EME1: variants seen among roughly 807,000 people sequenced by gnomAD.
EME1 encodes the protein essential meiotic structure-specific endonuclease 1, also known as structure-specific endonuclease subunit EME1.
A neutral mutation model predicts 59.1 loss-of-function variants in EME1; 61 were observed. The ratio of observed to expected loss-of-function variants is 1.03; its 90% CI spans 0.84 to 1.28. EME1 has a LOEUF of 1.28. Ranked by LOEUF, EME1 falls within the 50% of genes most tolerant of loss-of-function variation. The probability of loss-of-function intolerance (pLI) is 0.00; values close to 1 mark genes in which losing one functional copy is unlikely to be tolerated. For synonymous variants in EME1, 230 were observed against 254.2 expected (o/e 0.90, Z 0.90); for missense variants, 635 against 682.6 (o/e 0.93, Z 0.78).
chr17:50,379,252 G>C (rs776705448), intron 6 of EME1, 28 bp downstream of exon 6: 1 of 1,613,302 alleles, frequency 6.2e-7, no homozygotes, highest in East Asian at 2.2e-5. Context: ...CCTGAATCGG[G>C]CTGGGTACTC....
Position 50,379,560 on chromosome 17 carries a change from C to T in EME1, c.1339C>T (p.Pro447Ser). ...ATTCACAAAGGCTGTGGCTGAGGCG[C>T]CCTTCAAGTGAGTAACCCCAGCAAG... The part of the protein sequence containing the change: ...CAFTKAVAEA[P>S]FKKLRDETTF... Residue 447 changes from proline to serine, a missense_variant, in exon 7 of 9, where the codon CCC (proline) becomes TCC (serine). By Grantham distance (74) the Pro-to-Ser change is moderately conservative (BLOSUM62 -1). Coordinates refer to ENST00000338165, the MANE Select transcript of EME1 (RefSeq NM_152463.4). 6.2e-7 allele frequency: 1 copy of T among 1,614,016 alleles called. No individual in the cohort carries two copies. The highest frequency in any genetic ancestry group is 8.5e-7 in the Non-Finnish European group (1 of 1,179,988).
At position 50,375,761 on chromosome 17, in the gene EME1, G is replaced by C; in HGVS notation, c.553G>C (p.Val185Leu). The change falls in exon 2 of 9, where the codon GTA (valine) becomes CTA (leucine). Residue 185 changes from valine to leucine, a missense_variant. By Grantham distance (32) the Val-to-Leu change is conservative. Coordinates refer to ENST00000338165, the MANE Select transcript of EME1 (RefSeq NM_152463.4). ...CCCTGGCCAGAGCAGCAGCTTGGCA[G>C]TAACCAAAACAAATTCTGACATCCT... Reference protein sequence around the residue: ...TCPGQSSSLAVTKTNSDILPP... With the variant: ...TCPGQSSSLALTKTNSDILPP... 1 of 1,614,168 alleles carries C rather than the reference G, an allele frequency of 6.2e-7. No individual in the cohort carries two copies. The highest frequency in any genetic ancestry group is 8.5e-7 in the Non-Finnish European group (1 of 1,180,034).
Position 50,373,805 on chromosome 17 carries a change from C to T in EME1, c.-25+528C>T, listed in dbSNP as rs528214421. Among the ~76,000 whole-genome samples the T allele has an allele frequency of 3.3e-5, 5 of 152,266 alleles. No individual in the cohort carries two copies. The South Asian group carries it at 6.2e-4, about 19-fold the overall frequency. ...ACTTGTATGTCAGTGTTCATAGCAG[C>T]ATTATTCATAACAGGCAAAAAAAGG... On this transcript the variant is annotated intron_variant, in intron 1 of 8. Coordinates refer to ENST00000338165, the MANE Select transcript of EME1 (RefSeq NM_152463.4).
rs3060668 is a variant in EME1, at chr17:50,375,617, A to AAGC, written c.410_412dup (p.Lys137_Pro138insGln). 754,747 of 1,613,500 alleles carry AAGC rather than the reference A, an allele frequency of 0.47. 184,177 individuals carry two copies. Among genetic ancestry groups the AAGC allele is most frequent in the African/African-American group, 0.69 (51,515 of 74,784 alleles). Reference sequence around the variant, plus strand: ...TGAAGGTGCATCATGTGACTGGAAAAAGCCCTTTCCAAAGATCCCTGAAGT... The same window carrying AAGC: ...TGAAGGTGCATCATGTGACTGGAAAAAGCAGCCCTTTCCAAAGATCCCTGAAGT... On this transcript the variant is annotated inframe_insertion, in exon 2 of 9. Transcript: ENST00000338165.
Position 50,379,272 on chromosome 17 carries a change from C to A in EME1, c.1230+48C>A, listed in dbSNP as rs375645154. 6 of 1,610,894 alleles carry A rather than the reference C, an allele frequency of 3.7e-6. No homozygotes were observed. The Admixed American group carries it at 1.0e-4, about 27-fold the overall frequency. ...ATCGGGCTGGGTACTCACTGGTCAC[C>A]TGAGACTTGCTATTGATAGAGAATA... On this transcript the variant is annotated intron_variant, in intron 6 of 8. Coordinates refer to ENST00000338165, the MANE Select transcript of EME1 (RefSeq NM_152463.4).
chr17:50,380,900 C>T lies in EME1; in HGVS notation c.1674C>T (p.Thr558=), dbSNP rs759720245. Residue 558 remains threonine, a synonymous_variant, in exon 9 of 9, where the codon ACC becomes ACT. Coordinates refer to ENST00000338165, the MANE Select transcript of EME1 (RefSeq NM_152463.4). ...CCAGGCGTATCTACCTTCAGATGACCACTTTACAGCCACATCTCTCTTTAG... is the reference window on the plus strand; with the variant it reads ...CCAGGCGTATCTACCTTCAGATGACTACTTTACAGCCACATCTCTCTTTAG... ...ELSRRIYLQM[T]TLQPHLSLDS... 1 of 1,614,080 alleles carries T rather than the reference C, an allele frequency of 6.2e-7. No homozygotes were observed. The highest frequency in any genetic ancestry group is 8.5e-7 in the Non-Finnish European group (1 of 1,180,042).
At position 50,375,992 on chromosome 17, in the gene EME1, ATG is replaced by A. The variant is rs770069830; in HGVS notation, c.775+13_775+14del. 11 of 1,605,646 alleles carry A rather than the reference ATG, an allele frequency of 6.9e-6. No homozygotes were observed. In the East Asian group the frequency reaches 8.9e-5, roughly 13 times the overall value. On this transcript the variant is annotated intron_variant, in intron 2 of 8. Coordinates refer to ENST00000338165, the MANE Select transcript of EME1 (RefSeq NM_152463.4). Reference sequence around the variant, plus strand: ...TGTAGTGCTGGATCCAGGTCCTCACATGTGTCTTTGTCCTGTGCTGAGTTATC... The same window carrying A: ...TGTAGTGCTGGATCCAGGTCCTCACATGTCTTTGTCCTGTGCTGAGTTATC...
intron 1 of EME1, among the ~76,000 whole-genome samples, chr17:50,373,666 G>A (rs545484015): frequency 6.6e-5 from 10 of 152,300 alleles, no homozygotes; most frequent in African/African-American, 2.4e-4. Context: ...CTCCTTCTGG[G>A]TCATACCTAC....
At chr17:50,378,947 A>AG (rs757909327) in intron 5 of EME1, 52 bp downstream of exon 5, 3 of 1,613,766 alleles carry the variant, frequency 1.9e-6, no homozygotes, top group Non-Finnish European at 2.5e-6. Flanking sequence ...TCTTGGGCCA[A>AG]GGGGGGTGAG....
chr17:50,374,316 C>T (rs545962502), intron 1 of EME1, among the ~76,000 whole-genome samples: 172 of 152,304 alleles, frequency 1.1e-3, no homozygotes, highest in South Asian at 2.3e-3. Flanking sequence ...CAGCTCACTG[C>T]AGCCTTGACC....
chr17:50,378,006 C>T (rs1410118833), intron 3 of EME1, among the ~76,000 whole-genome samples: 1 of 152,046 alleles, frequency 6.6e-6, no homozygotes, highest in African/African-American at 2.4e-5. Flanking sequence ...GATCCGCCCG[C>T]CTAGGCCTCC....
In EME1 at chr17:50,376,072, T is replaced by TA. The variant is rs771323709; in HGVS notation, c.783dup (p.Gln262ThrfsTer22). On this transcript the variant is annotated frameshift_variant, in exon 3 of 9. Transcript: ENST00000338165. LOFTEE classifies it high-confidence loss of function. Reference sequence around the variant, plus strand: ...CCTTTTCCATCTGTTGCAGTGCTCTTACAGATGGAAGGTGGGGGCCAGCTC... The same window carrying TA: ...CCTTTTCCATCTGTTGCAGTGCTCTTAACAGATGGAAGGTGGGGGCCAGCTC... The TA allele has an allele frequency of 2.5e-6, 4 of 1,613,402 alleles. No individual in the cohort carries two copies. Among genetic ancestry groups the TA allele is most frequent in the Non-Finnish European group, 3.4e-6 (4 of 1,179,728 alleles).
At chr17:50,377,534 C>A (rs868414519) in intron 3 of EME1, among the ~76,000 whole-genome samples, 1 of 152,280 alleles carries the variant, frequency 6.6e-6, no homozygotes, top group South Asian at 2.1e-4. Flanking sequence ...TTATGCCCTA[C>A]CTGTGATAAA....
rs1913820984 is a variant in EME1, at chr17:50,381,169, T to A, written c.*230T>A. ...TTAATGTTCCTCTCCTGGCAAAAAT[T>A]CACTGCCACAGACAAACCACCCCCA... On this transcript the variant is annotated 3_prime_UTR_variant, in exon 9 of 9. Transcript: ENST00000338165. 5.4e-6 allele frequency: 3 copies of A among 550,542 alleles called. No homozygotes were observed. The African/African-American group carries it at 5.7e-5, about 10-fold the overall frequency. The allele number at this position is 550,542 out of a possible 1,614,324, so 34.1% of individuals were successfully genotyped here.
chr17:50,377,270 CATCCTAT>C (rs1175424858), intron 3 of EME1, among the ~76,000 whole-genome samples: 2 of 152,124 alleles, frequency 1.3e-5, no homozygotes, highest in Admixed American at 6.5e-5. Context: ...TTCCATCAGT[CATCCTAT>C]GGGGTAGGAC....
chr17:50,376,085 T>G lies in EME1; in HGVS notation c.795T>G (p.Gly265=), dbSNP rs148513529. 71 of 1,613,734 alleles carry G rather than the reference T, an allele frequency of 4.4e-5. No individual in the cohort carries two copies. The African/African-American group carries it at 9.2e-4, about 21-fold the overall frequency. The change falls in exon 3 of 9, where the codon GGT becomes GGG. Residue 265 remains glycine (G), a synonymous_variant. Transcript: ENST00000338165. The stretch of plus-strand genomic sequence containing the variant: ...TTGCAGTGCTCTTACAGATGGAAGG[T>G]GGGGGCCAGCTCCTAGGAGCACTGC... The part of the protein sequence containing the change: ...VLDPVLLQME[G]GGQLLGALQT...
At chr17:50,378,516 A>G in intron 3 of EME1, 79 bp from the exon 4 acceptor site, 1 of 1,404,100 alleles carries the variant, frequency 7.1e-7, no homozygotes. Context: ...TCATTCACCC[A>G]GAAGACCTGG....
rs376398734 is a variant in EME1, at chr17:50,375,626, C to A, written c.418C>A (p.Pro140Thr). 2.5e-6 allele frequency: 4 copies of A among 1,608,256 alleles called. No homozygotes were observed. In the African/African-American group the frequency reaches 5.4e-5, roughly 22 times the overall value. The change falls in exon 2 of 9, where the codon CCA becomes ACA. Residue 140 changes from proline (P) to threonine (T), a missense_variant. Pro to Thr is a conservative substitution (Grantham distance 38). Coordinates refer to ENST00000338165, the MANE Select transcript of EME1 (RefSeq NM_152463.4). The part of the protein sequence containing the change: ...GASCDWKKPF[P>T]KIPEVPLHDT... ...ATCATGTGACTGGAAAAAGCCCTTT[C>A]CAAAGATCCCTGAAGTTCCCCTCCA...
At chr17:50,373,584 C>T (rs1346337522) in intron 1 of EME1, among the ~76,000 whole-genome samples, 1 of 152,198 alleles carries the variant, frequency 6.6e-6, no homozygotes, top group Non-Finnish European at 1.5e-5. Flanking sequence ...ATTCTCACTA[C>T]CTTATAAAAT....
Sources: gnomAD v4.1 joint callset for allele counts (sites outside exome capture counted in the v4.1 genomes callset) on GRCh38, gnomAD v4.1.1 for gene constraint, MANE v1.5 for transcripts, NCBI Gene and HGNC (gene_info 2026-07-23, HGNC 2026-07-21) for gene names.